The following PLXNA4 variants were observed in gnomAD, a reference collection of about 807,000 sequenced individuals.
The protein encoded by PLXNA4 is plexin-A4.
Under a neutral mutation model 191.8 loss-of-function variants are expected in PLXNA4, and 44 were observed. The observed-to-expected ratio is 0.23, with a 90% CI of 0.18 to 0.29. The LOEUF is 0.29. Ranked by LOEUF, PLXNA4 falls within the 10% of genes least tolerant of loss-of-function variation. The pLI, the probability that PLXNA4 is intolerant of heterozygous loss-of-function variation, is 1.00. For missense variants in PLXNA4, 1,800 were observed against 2,488.8 expected, an observed-to-expected ratio of 0.72 and a Z score of 5.89; for synonymous variants, 1,082 against 1,009.5, an observed-to-expected ratio of 1.07 and a Z score of -1.36.
At chr7:132,417,573 A>G (rs1585108102) in intron 3 of PLXNA4, among the ~76,000 whole-genome samples, 1 of 152,312 alleles carries the variant, frequency 6.6e-6, no homozygotes, top group African/African-American at 2.4e-5. Flanking sequence ...TTCCCAGTGT[A>G]CAGAAAAATG....
At chr7:132,222,146 G>A (rs1339959614) in intron 9 of PLXNA4, among the ~76,000 whole-genome samples, 1 of 152,102 alleles carries the variant, frequency 6.6e-6, no homozygotes, top group Non-Finnish European at 1.5e-5. Context: ...TCCACTCCTT[G>A]CTTTTACTTC....
intron 3 of PLXNA4, chr7:132,384,687 G>A: frequency 9.9e-7 from 1 of 1,005,258 alleles, no homozygotes; most frequent in African/African-American, 1.7e-5. Context: ...CTGCAGTACG[G>A]TGGGCTCCAT....
intron 3 of PLXNA4, among the ~76,000 whole-genome samples, chr7:132,329,337 C>G (rs12112600): frequency 6.6e-6 from 1 of 152,200 alleles, no homozygotes; most frequent in Non-Finnish European, 1.5e-5. Context: ...CGCCCTCTCC[C>G]TGTCTCTGGT....
At chr7:132,585,749 T>A (rs1044980737) in intron 2 of PLXNA4, among the ~76,000 whole-genome samples, 1 of 152,194 alleles carries the variant, frequency 6.6e-6, no homozygotes, top group Admixed American at 6.5e-5. Flanking sequence ...CTTCCTTGGT[T>A]CATTCAATCA....
intron 3 of PLXNA4, among the ~76,000 whole-genome samples, chr7:132,413,180 G>A (rs1372805789): frequency 6.6e-6 from 1 of 152,158 alleles, no homozygotes; most frequent in Non-Finnish European, 1.5e-5. Context: ...GCAAGTCCAG[G>A]ACAGACCCAA....
intron 9 of PLXNA4, among the ~76,000 whole-genome samples, chr7:132,217,897 CTTTTTTTTTTTT>C (rs138576612): frequency 0.098 from 4,269 of 43,512 alleles, 162 homozygotes; most frequent in Middle Eastern, 0.14. Flanking sequence ...GCTGGATTTG[CTTTTTTTTTTTT>C]TTTTTTTTTT....
intron 3 of PLXNA4, among the ~76,000 whole-genome samples, chr7:132,413,233 A>G (rs1279021118): frequency 6.6e-6 from 1 of 152,310 alleles, no homozygotes; most frequent in East Asian, 1.9e-4. Context: ...CTGCACAGGC[A>G]CACAGCAAAG....
At chr7:132,638,173 G>A (rs937983953) in intron 2 of PLXNA4, among the ~76,000 whole-genome samples, 1 of 152,230 alleles carries the variant, frequency 6.6e-6, no homozygotes. Flanking sequence ...GTGTGCAAGA[G>A]AGACTGTGGT....
At chr7:132,559,456 T>G (rs572335102) in intron 1 of PLXNA4, among the ~76,000 whole-genome samples, 36 of 152,334 alleles carry the variant, frequency 2.4e-4, no homozygotes, top group Non-Finnish European at 4.4e-4. Flanking sequence ...AGACATTCTT[T>G]GGGCCTGAAC....
intron 3 of PLXNA4, among the ~76,000 whole-genome samples, chr7:132,395,760 A>C (rs1371685774): frequency 6.6e-6 from 1 of 152,256 alleles, no homozygotes; most frequent in Non-Finnish European, 1.5e-5. Flanking sequence ...ATGCAAGTGC[A>C]ATCCATGACC....
chr7:132,494,666 G>A (rs1797936733), intron 2 of PLXNA4, among the ~76,000 whole-genome samples: 1 of 152,174 alleles, frequency 6.6e-6, no homozygotes, highest in South Asian at 2.1e-4. Context: ...CTTCCCTCGT[G>A]CACCGCAGCA....
intron 1 of PLXNA4, among the ~76,000 whole-genome samples, chr7:132,518,528 G>A (rs1799034964): frequency 6.6e-6 from 1 of 152,158 alleles, no homozygotes. Context: ...TGGGAGGGCT[G>A]GAGAAAAGTA....
chr7:132,214,012 A>G (rs1320692921), intron 9 of PLXNA4, among the ~76,000 whole-genome samples: 1 of 152,214 alleles, frequency 6.6e-6, no homozygotes, highest in Admixed American at 6.5e-5. Context: ...GAGCAGAAAG[A>G]AGGGCTCAGT....
At chr7:132,324,115 A>C (rs778927595) in intron 3 of PLXNA4, among the ~76,000 whole-genome samples, 5 of 152,224 alleles carry the variant, frequency 3.3e-5, no homozygotes, top group Non-Finnish European at 7.3e-5. Context: ...AACTGCAGAC[A>C]AGGATGTTGA....
At chr7:132,484,993 T>C (rs750094021) in intron 3 of PLXNA4, 1 of 1,614,048 alleles carries the variant, frequency 6.2e-7, no homozygotes, top group South Asian at 1.1e-5. Flanking sequence ...TGATTCCCCC[T>C]TGTGGACCTG....
At chr7:132,463,757 A>G (rs1043337383) in intron 3 of PLXNA4, among the ~76,000 whole-genome samples, 1 of 152,200 alleles carries the variant, frequency 6.6e-6, no homozygotes, top group South Asian at 2.1e-4. Context: ...CATGCCCCTG[A>G]TTCTTTCACA....
intron 1 of PLXNA4, among the ~76,000 whole-genome samples, chr7:132,521,158 C>T (rs1259356744): frequency 4.6e-5 from 6 of 129,664 alleles, no homozygotes; most frequent in South Asian, 2.4e-4. Flanking sequence ...GGAAGCTGAA[C>T]GGAGATATAT....
chr7:132,369,609 A>G (rs2116890926), intron 3 of PLXNA4, among the ~76,000 whole-genome samples: 1 of 152,276 alleles, frequency 6.6e-6, no homozygotes, highest in East Asian at 1.9e-4. Flanking sequence ...AGAGAAGGAC[A>G]TCCCTCAGTA....
chr7:132,316,530 T>C (rs1563030795), intron 3 of PLXNA4, among the ~76,000 whole-genome samples: 1 of 152,184 alleles, frequency 6.6e-6, no homozygotes, highest in African/African-American at 2.4e-5. Context: ...ATAAAGTACT[T>C]AATCAATAAT....
Sources: gnomAD v4.1 joint callset for allele counts (sites outside exome capture counted in the v4.1 genomes callset) on GRCh38, gnomAD v4.1.1 for gene constraint, MANE v1.5 for transcripts, NCBI Gene and HGNC (gene_info 2026-07-23, HGNC 2026-07-21) for gene names.